Variants in PTPRD observed in about 807,000 individuals in gnomAD.
PTPRD encodes receptor-type tyrosine-protein phosphatase delta.
Under a neutral mutation model 214.5 loss-of-function variants are expected in PTPRD, and 34 were observed. The observed-to-expected ratio is 0.16, with a 90% confidence interval of 0.12 to 0.21. The LOEUF is 0.21. Ranked by LOEUF, PTPRD falls within the 10% of genes least tolerant of loss-of-function variation. The probability of loss-of-function intolerance (pLI) is 1.00; values close to 1 mark genes in which losing one functional copy is unlikely to be tolerated. For synonymous variants in PTPRD, 1,128 were observed against 845.7 expected, an observed-to-expected ratio of 1.33 and a Z score of -5.79; for missense variants, 2,545 against 2,398.7, an observed-to-expected ratio of 1.06 and a Z score of -1.27.
At chr9:9,046,895 A>G (rs1209845390) in intron 10 of PTPRD, among the ~76,000 whole-genome samples, 1 of 152,222 alleles carries the variant, frequency 6.6e-6, no homozygotes, top group Non-Finnish European at 1.5e-5. Flanking sequence ...GTTACTCAAC[A>G]TAGCACTGGA....
chr9:9,724,315 C>A (rs1346782926), intron 7 of PTPRD, among the ~76,000 whole-genome samples: 1 of 152,176 alleles, frequency 6.6e-6, no homozygotes, highest in East Asian at 1.9e-4. Context: ...AAGGAAACAT[C>A]ACAGTTACAG....
At chr9:8,644,524 G>A (rs376647410) in intron 12 of PTPRD, among the ~76,000 whole-genome samples, 1 of 151,968 alleles carries the variant, frequency 6.6e-6, no homozygotes, top group East Asian at 1.9e-4. Flanking sequence ...CAGATGAAGA[G>A]AAGGAGAGAA....
intron 7 of PTPRD, among the ~76,000 whole-genome samples, chr9:9,606,196 A>T (rs1369467637): frequency 6.6e-6 from 1 of 152,100 alleles, no homozygotes; most frequent in East Asian, 1.9e-4. Flanking sequence ...ACTCGGTCAA[A>T]CTTACTATTA....
chr9:9,731,957 A>G (rs1358504807), intron 7 of PTPRD, among the ~76,000 whole-genome samples: 1 of 151,594 alleles, frequency 6.6e-6, no homozygotes, highest in Non-Finnish European at 1.5e-5. Flanking sequence ...ACACAACACA[A>G]GAACCTTAGA....
chr9:8,551,523 T>C (rs774573069), intron 14 of PTPRD, among the ~76,000 whole-genome samples: 1 of 152,218 alleles, frequency 6.6e-6, no homozygotes, highest in African/African-American at 2.4e-5. Flanking sequence ...CTAATAGTTC[T>C]TAACTTTAGA....
intron 2 of PTPRD, among the ~76,000 whole-genome samples, chr9:10,575,502 CTG>C (rs2068949740): frequency 6.6e-6 from 1 of 152,046 alleles, no homozygotes; most frequent in African/African-American, 2.4e-5. Context: ...TAGAAATTAA[CTG>C]TGCACATTCT....
chr9:8,497,138 G>C, intron 26 of PTPRD, 104 bp downstream of exon 26: 1 of 954,186 alleles, frequency 1.0e-6, no homozygotes, highest in Non-Finnish European at 1.6e-6. Context: ...GTTAGTTCAT[G>C]CATCCAAGCA....
At chr9:8,955,360 T>C (rs1037452408) in intron 11 of PTPRD, among the ~76,000 whole-genome samples, 2 of 151,778 alleles carry the variant, frequency 1.3e-5, no homozygotes, top group Admixed American at 1.3e-4. Flanking sequence ...ATAGAGATAG[T>C]CCTACTCAGA....
intron 3 of PTPRD, among the ~76,000 whole-genome samples, chr9:10,093,541 A>T (rs2098453578): frequency 6.6e-6 from 1 of 151,514 alleles, no homozygotes; most frequent in Admixed American, 6.6e-5. Flanking sequence ...CTGTTTGGAG[A>T]TTTCGCAAAG....
At chr9:10,525,551 T>TTA (rs1174935244) in intron 2 of PTPRD, among the ~76,000 whole-genome samples, 7 of 152,142 alleles carry the variant, frequency 4.6e-5, no homozygotes. Context: ...TAAGTTGATG[T>TTA]TATTTGCTTC....
At chr9:10,079,525 C>T (rs2098196500) in intron 3 of PTPRD, among the ~76,000 whole-genome samples, 1 of 152,066 alleles carries the variant, frequency 6.6e-6, no homozygotes, top group Non-Finnish European at 1.5e-5. Context: ...TTCACCATGC[C>T]ACTGCACTGC....
chr9:9,388,889 TG>T (rs1402539954), intron 9 of PTPRD, among the ~76,000 whole-genome samples: 10 of 151,596 alleles, frequency 6.6e-5, no homozygotes, highest in South Asian at 4.2e-4. Context: ...GCCAGTCTCC[TG>T]AAAAAAAAAT....
chr9:9,437,002 T>C (rs1253589672), intron 8 of PTPRD, among the ~76,000 whole-genome samples: 2 of 152,206 alleles, frequency 1.3e-5, no homozygotes, highest in Admixed American at 1.3e-4. Flanking sequence ...TATCCGTTGT[T>C]TGTGTTATGT....
At chr9:9,451,059 T>C (rs1427219211) in intron 8 of PTPRD, among the ~76,000 whole-genome samples, 1 of 144,806 alleles carries the variant, frequency 6.9e-6, no homozygotes, top group East Asian at 2.0e-4. Flanking sequence ...TCCACAGAGG[T>C]CAAAGAATAA....
chr9:9,036,219 A>AC (rs963497380), intron 10 of PTPRD, among the ~76,000 whole-genome samples: 2 of 151,858 alleles, frequency 1.3e-5, no homozygotes, highest in Non-Finnish European at 2.9e-5. Flanking sequence ...TAAAAAAAAA[A>AC]AAAAACTTGG....
At chr9:10,332,379 T>C (rs972103768) in intron 3 of PTPRD, among the ~76,000 whole-genome samples, 1 of 151,816 alleles carries the variant, frequency 6.6e-6, no homozygotes, top group Non-Finnish European at 1.5e-5. Flanking sequence ...CCTGCCCATA[T>C]ATAAATGAAC....
At chr9:9,546,538 T>G (rs995051669) in intron 8 of PTPRD, among the ~76,000 whole-genome samples, 5 of 151,834 alleles carry the variant, frequency 3.3e-5, no homozygotes, top group Admixed American at 2.6e-4. Flanking sequence ...TTTTCAGTTT[T>G]GTTTACCTCT....
chr9:8,838,734 A>T (rs977962122), intron 11 of PTPRD, among the ~76,000 whole-genome samples: 5 of 152,132 alleles, frequency 3.3e-5, no homozygotes, highest in African/African-American at 1.2e-4. Flanking sequence ...AAATATAATG[A>T]TATTTCATGG....
intron 11 of PTPRD, among the ~76,000 whole-genome samples, chr9:8,932,498 C>T (rs918034456): frequency 3.3e-5 from 5 of 152,182 alleles, no homozygotes; most frequent in African/African-American, 1.2e-4. Flanking sequence ...GGTGCTCTGT[C>T]GCAGGGAGAT....
Sources: gnomAD v4.1 joint callset for allele counts (sites outside exome capture counted in the v4.1 genomes callset) on GRCh38, gnomAD v4.1.1 for gene constraint, MANE v1.5 for transcripts, NCBI Gene and HGNC (gene_info 2026-07-23, HGNC 2026-07-21) for gene names.